Variants in PDE10A observed in about 807,000 individuals in gnomAD.
PDE10A encodes the protein phosphodiesterase 10A.
A neutral mutation model predicts 97.7 loss-of-function variants in PDE10A; 39 were observed. The ratio of observed to expected loss-of-function variants is 0.40; its 90% CI spans 0.31 to 0.52. PDE10A has a LOEUF of 0.52. Ranked by LOEUF, PDE10A falls within the 20% of genes least tolerant of loss-of-function variation. The pLI is 0.56. For synonymous variants in PDE10A, 371 were observed against 376.8 expected, an observed-to-expected ratio of 0.98 and a Z score of 0.18; for missense variants, 731 against 1,047.8, an observed-to-expected ratio of 0.70 and a Z score of 4.17.
At chr6:165,785,643 C>T (rs925359486) in intron 1 of PDE10A, among the ~76,000 whole-genome samples, 12 of 152,168 alleles carry the variant, frequency 7.9e-5, no homozygotes, top group South Asian at 4.1e-4. Context: ...AATTTCTGCA[C>T]CTTGTAAAAT....
At chr6:165,524,137 C>T (rs999180618) in intron 2 of PDE10A, among the ~76,000 whole-genome samples, 7 of 152,124 alleles carry the variant, frequency 4.6e-5, no homozygotes, top group Admixed American at 2.0e-4. Flanking sequence ...GCTCCTCAGC[C>T]GGCAGAGGGC....
chr6:165,542,840 G>A (rs928785949), intron 2 of PDE10A, among the ~76,000 whole-genome samples: 10 of 151,844 alleles, frequency 6.6e-5, no homozygotes, highest in South Asian at 2.1e-4. Flanking sequence ...GGATGGTCTC[G>A]ATCTCCTGAC....
At chr6:165,648,247 C>A (rs935803664) in intron 1 of PDE10A, among the ~76,000 whole-genome samples, 1 of 151,998 alleles carries the variant, frequency 6.6e-6, no homozygotes. Context: ...CTCCTGACCT[C>A]GTGATCCACC....
chr6:165,568,179 T>G (rs1385071719), intron 1 of PDE10A, among the ~76,000 whole-genome samples: 1 of 151,962 alleles, frequency 6.6e-6, no homozygotes, highest in Non-Finnish European at 1.5e-5. Flanking sequence ...TTTTGTATTT[T>G]TAGTAGAGAC....
intron 1 of PDE10A, among the ~76,000 whole-genome samples, chr6:165,611,144 TA>T (rs1787474488): frequency 6.6e-6 from 1 of 151,904 alleles, no homozygotes; most frequent in South Asian, 2.1e-4. Flanking sequence ...GCCCAATTCA[TA>T]CTAACAAGCA....
At chr6:165,580,354 G>C (rs1301455185) in intron 1 of PDE10A, among the ~76,000 whole-genome samples, 1 of 152,150 alleles carries the variant, frequency 6.6e-6, no homozygotes, top group Non-Finnish European at 1.5e-5. Context: ...GCATGAGAAG[G>C]TAGTGATGCA....
intron 1 of PDE10A, among the ~76,000 whole-genome samples, chr6:165,884,763 TAAC>T (rs575798807): frequency 7.4e-4 from 113 of 152,316 alleles, no homozygotes; most frequent in African/African-American, 2.6e-3. Flanking sequence ...CTCCTTTTGA[TAAC>T]AACCACAATA....
chr6:165,703,812 G>A (rs1051622092), intron 1 of PDE10A, among the ~76,000 whole-genome samples: 2 of 152,172 alleles, frequency 1.3e-5, no homozygotes, highest in African/African-American at 2.4e-5. Context: ...AATCAGCTAT[G>A]GGACAGCCAG....
chr6:165,987,337 C>A (rs1003525430), intron 1 of PDE10A, among the ~76,000 whole-genome samples: 1 of 152,118 alleles, frequency 6.6e-6, no homozygotes, highest in Admixed American at 6.5e-5. Flanking sequence ...CCACTCATCA[C>A]CCTTTCCCCC....
intron 1 of PDE10A, among the ~76,000 whole-genome samples, chr6:165,956,626 T>G (rs1040342072): frequency 3.3e-5 from 5 of 152,230 alleles, no homozygotes; most frequent in Non-Finnish European, 7.3e-5. Flanking sequence ...GTCTTTTAAG[T>G]TAAACCTGTG....
intron 1 of PDE10A, among the ~76,000 whole-genome samples, chr6:165,630,442 T>G (rs997744208): frequency 1.3e-5 from 2 of 152,178 alleles, no homozygotes; most frequent in Non-Finnish European, 2.9e-5. Flanking sequence ...AAGCAGAGAA[T>G]TCAAGCATGG....
At chr6:165,656,294 AC>A (rs1430830992) in intron 1 of PDE10A, among the ~76,000 whole-genome samples, 10 of 136,876 alleles carry the variant, frequency 7.3e-5, no homozygotes, top group East Asian at 2.3e-4. Context: ...ACACACACAC[AC>A]ACCTTTCCAA....
intron 1 of PDE10A, among the ~76,000 whole-genome samples, chr6:165,646,428 T>C (rs1322451137): frequency 1.3e-5 from 2 of 152,208 alleles, no homozygotes; most frequent in Admixed American, 6.5e-5. Context: ...AATGAACTAT[T>C]CAATAAACTG....
At chr6:165,579,921 G>T (rs1785517357) in intron 1 of PDE10A, among the ~76,000 whole-genome samples, 1 of 152,128 alleles carries the variant, frequency 6.6e-6, no homozygotes, top group South Asian at 2.1e-4. Flanking sequence ...CGTCTCAAAT[G>T]AGAGCTACAT....
chr6:165,692,310 A>G (rs1412434314), intron 1 of PDE10A, among the ~76,000 whole-genome samples: 1 of 152,110 alleles, frequency 6.6e-6, no homozygotes, highest in African/African-American at 2.4e-5. Context: ...CTAAATTCTC[A>G]CTGTGTTCAG....
chr6:165,731,154 G>A (rs1279128984), intron 1 of PDE10A, among the ~76,000 whole-genome samples: 3 of 152,224 alleles, frequency 2.0e-5, no homozygotes, highest in Non-Finnish European at 4.4e-5. Context: ...CTGTCCCTGC[G>A]GCCTCGTGGC....
intron 3 of PDE10A, among the ~76,000 whole-genome samples, chr6:165,451,154 G>A (rs567724644): frequency 2.0e-5 from 3 of 152,012 alleles, no homozygotes; most frequent in Non-Finnish European, 4.4e-5. Flanking sequence ...TGCCACCATA[G>A]CAAGAGTTAG....
At chr6:165,884,981 C>T (rs1781588973) in intron 1 of PDE10A, among the ~76,000 whole-genome samples, 2 of 152,150 alleles carry the variant, frequency 1.3e-5, no homozygotes, top group South Asian at 4.1e-4. Flanking sequence ...GGTTTAATTA[C>T]TGAATTCCGC....
chr6:165,622,466 A>T (rs908717243), intron 1 of PDE10A, among the ~76,000 whole-genome samples: 1 of 152,244 alleles, frequency 6.6e-6, no homozygotes, highest in Non-Finnish European at 1.5e-5. Context: ...CAGACTGTAC[A>T]GCATGGTACT....
Sources: allele counts gnomAD v4.1 joint callset (sites outside exome capture counted in the v4.1 genomes callset), GRCh38; gene constraint gnomAD v4.1.1; transcripts MANE v1.5; gene names NCBI Gene and HGNC (gene_info 2026-07-23, HGNC 2026-07-21).